IARS2: variants seen among roughly 807,000 people sequenced by gnomAD.
IARS2 encodes the protein isoleucyl-tRNA synthetase 2, mitochondrial, also known as isoleucine--tRNA ligase, mitochondrial.
In IARS2, 56 loss-of-function variants were observed where a neutral mutation model predicts 126.3. The observed-to-expected ratio is 0.44, with a 90% CI of 0.36 to 0.55. The LOEUF (loss-of-function observed/expected upper bound fraction) is 0.55, where lower values mean the gene tolerates loss of function less well. Ranked by LOEUF, IARS2 falls within the 20% of genes least tolerant of loss-of-function variation. The pLI is 0.00. For missense variants in IARS2, 1,127 were observed against 1,245.9 expected (o/e 0.90, Z 1.44); for synonymous variants, 407 against 441.1 (o/e 0.92, Z 0.97).
intron 14 of IARS2, among the ~76,000 whole-genome samples, chr1:220,130,204 G>GT (rs1257052448): frequency 2.0e-5 from 3 of 151,778 alleles, no homozygotes; most frequent in South Asian, 2.1e-4. Context: ...TTGTAATGAG[G>GT]TTTTTTTTGT....
intron 2 of IARS2, among the ~76,000 whole-genome samples, chr1:220,098,273 T>A (rs1656490906): frequency 6.6e-6 from 1 of 152,210 alleles, no homozygotes; most frequent in Admixed American, 6.5e-5. Context: ...ACTTTGGAAC[T>A]AGGGAAGGAC....
chr1:220,133,454 T>C (rs1657309848), intron 14 of IARS2, among the ~76,000 whole-genome samples: 1 of 152,196 alleles, frequency 6.6e-6, no homozygotes, highest in Admixed American at 6.5e-5. Flanking sequence ...TTGGTTTGAT[T>C]CAGTTATTTA....
Position 220,114,492 on chromosome 1 carries a change from A to T in IARS2, c.1640+18A>T. 1 of 1,577,506 alleles carries T rather than the reference A, an allele frequency of 6.3e-7. No individual in the cohort carries two copies. Among genetic ancestry groups the T allele is most frequent in the Non-Finnish European group, 8.6e-7 (1 of 1,164,212 alleles). On this transcript the variant is annotated intron_variant, in intron 12 of 22. Transcript: ENST00000366922. ...ATCAACAGGTAGAATGCTTTCTAAAATTTTTTAGTGTTTTAAAGTGAAATA... is the reference window on the plus strand; with the variant it reads ...ATCAACAGGTAGAATGCTTTCTAAATTTTTTTAGTGTTTTAAAGTGAAATA...
intron 10 of IARS2, among the ~76,000 whole-genome samples, chr1:220,109,947 A>G (rs1473665701): frequency 2.0e-5 from 3 of 152,252 alleles, no homozygotes; most frequent in Non-Finnish European, 2.9e-5. Flanking sequence ...GAAAAGAGGT[A>G]GAAGTGGCAT....
chr1:220,105,534 G>A (rs947995197), intron 8 of IARS2, among the ~76,000 whole-genome samples: 2 of 152,118 alleles, frequency 1.3e-5, no homozygotes, highest in African/African-American at 2.4e-5. Context: ...GAAGTAATTT[G>A]TATGGGGTAG....
intron 14 of IARS2, among the ~76,000 whole-genome samples, chr1:220,133,024 T>TG (rs1228825041): frequency 6.6e-6 from 1 of 151,924 alleles, no homozygotes; most frequent in African/African-American, 2.4e-5. Context: ...TTCTTTTTTT[T>TG]TTTTGAGACA....
chr1:220,116,302 G>A (rs1053925856), intron 12 of IARS2, among the ~76,000 whole-genome samples: 18 of 152,090 alleles, frequency 1.2e-4, no homozygotes, highest in African/African-American at 4.1e-4. Flanking sequence ...GACTGACATG[G>A]CCCCTGTTTT....
chr1:220,144,476 C>G (rs1657551656), intron 21 of IARS2: 1 of 481,484 alleles, frequency 2.1e-6, no homozygotes, highest in African/African-American at 2.0e-5. Flanking sequence ...ATGTAATTAG[C>G]AAGATTAAGA....
chr1:220,146,430 A>C (rs1571867211), intron 22 of IARS2, among the ~76,000 whole-genome samples: 2 of 146,374 alleles, frequency 1.4e-5, no homozygotes, highest in African/African-American at 5.1e-5. Flanking sequence ...GGGTGGGAGA[A>C]TGGCGTGAAC....
At chr1:220,116,733 T>G (rs544564496) in intron 12 of IARS2, among the ~76,000 whole-genome samples, 2 of 152,202 alleles carry the variant, frequency 1.3e-5, no homozygotes, top group Non-Finnish European at 1.5e-5. Context: ...TTAATGTAAA[T>G]TCTGTCCAGT....
chr1:220,145,506 C>T lies in IARS2; in HGVS notation c.2752-3C>T, dbSNP rs775255349. 6.3e-7 allele frequency: 1 copy of T among 1,596,682 alleles called. No homozygotes were observed. Among genetic ancestry groups the T allele is most frequent in the Non-Finnish European group, 8.5e-7 (1 of 1,171,118 alleles). On this transcript the variant is annotated splice_region_variant and splice_polypyrimidine_tract_variant and intron_variant, in intron 21 of 22. Coordinates refer to ENST00000366922, the MANE Select transcript of IARS2 (RefSeq NM_018060.4). ...ACTGTAACTTTCACATGCTTCCTTC[C>T]AGATGCTGCAGTCTGAAGAGACTTC...
intron 20 of IARS2, among the ~76,000 whole-genome samples, 190 bp downstream of exon 20, chr1:220,142,138 GCTTT>G (rs1039367993): frequency 6.6e-6 from 1 of 152,182 alleles, no homozygotes; most frequent in African/African-American, 2.4e-5. Flanking sequence ...AGAATTCTGT[GCTTT>G]CTGAAATGTA....
chr1:220,138,923 G>A lies in IARS2; in HGVS notation c.2176-85G>A. On this transcript the variant is annotated intron_variant, in intron 17 of 22. Coordinates refer to ENST00000366922, the MANE Select transcript of IARS2 (RefSeq NM_018060.4). ...AAATACCCCACTAAGAAAATGACAA[G>A]AGTTAGTAATAAAATAACTTTTCAG... The A allele has an allele frequency of 4.1e-6, 5 of 1,217,556 alleles. No individual in the cohort carries two copies. The South Asian group carries it at 4.4e-5, about 11-fold the overall frequency. The allele number at this position is 1,217,556 out of a possible 1,614,324, so 75.4% of individuals were successfully genotyped here.
intron 11 of IARS2, among the ~76,000 whole-genome samples, chr1:220,111,748 A>G (rs1394350065): frequency 6.6e-6 from 1 of 151,980 alleles, no homozygotes; most frequent in African/African-American, 2.4e-5. Context: ...TAGCTGGTTC[A>G]TTTATTGGCC....
At chr1:220,109,201 C>T (rs1480185741) in intron 10 of IARS2, among the ~76,000 whole-genome samples, 2 of 152,016 alleles carry the variant, frequency 1.3e-5, no homozygotes, top group East Asian at 3.9e-4. Flanking sequence ...GAGTTCGAGA[C>T]CTGCCTGGCC....
intron 14 of IARS2, 66 bp downstream of exon 14, chr1:220,126,909 G>T: frequency 8.8e-7 from 1 of 1,130,894 alleles, no homozygotes; most frequent in South Asian, 1.4e-5. Context: ...GTATTTAGAA[G>T]GGATCTATAA....
At chr1:220,108,973 G>A (rs996024758) in intron 10 of IARS2, among the ~76,000 whole-genome samples, 5 of 147,756 alleles carry the variant, frequency 3.4e-5, no homozygotes, top group African/African-American at 1.3e-4. Flanking sequence ...TCTCCCAATC[G>A]GCCCCAAAGA....
intron 11 of IARS2, among the ~76,000 whole-genome samples, chr1:220,113,650 G>T (rs1656855956): frequency 6.6e-6 from 1 of 152,012 alleles, no homozygotes; most frequent in East Asian, 1.9e-4. Context: ...GAGAGAGAGA[G>T]AGATTTATTT....
At chr1:220,147,190 C>T (rs1657615551) in intron 22 of IARS2, among the ~76,000 whole-genome samples, 1 of 152,154 alleles carries the variant, frequency 6.6e-6, no homozygotes, top group Admixed American at 6.5e-5. Context: ...TTCATCAGAA[C>T]TATACCCAAA....
Sources: allele counts gnomAD v4.1 joint callset (sites outside exome capture counted in the v4.1 genomes callset), GRCh38; gene constraint gnomAD v4.1.1; transcripts MANE v1.5; gene names NCBI Gene and HGNC (gene_info 2026-07-23, HGNC 2026-07-21).